Variants in CTNNA2 observed in about 807,000 individuals in gnomAD.
CTNNA2 encodes the protein catenin alpha 2.
Under a neutral mutation model 101.0 loss-of-function variants are expected in CTNNA2, and 42 were observed. The observed-to-expected ratio is 0.42, with a 90% CI of 0.32 to 0.54. The LOEUF is 0.54. CTNNA2 is among the 20% of genes least tolerant of loss of function. The pLI, the probability that CTNNA2 is intolerant of heterozygous loss-of-function variation, is 0.14. For missense variants in CTNNA2, 871 were observed against 1,223.1 expected, an observed-to-expected ratio of 0.71 and a Z score of 4.29; for synonymous variants, 450 against 456.4, an observed-to-expected ratio of 0.99 and a Z score of 0.18.
chr2:80,036,082 C>T (rs1175151276), intron 7 of CTNNA2, among the ~76,000 whole-genome samples: 1 of 152,180 alleles, frequency 6.6e-6, no homozygotes, highest in Non-Finnish European at 1.5e-5. Context: ...ACTGGGGCCC[C>T]TCCTACCCCC....
intron 18 of CTNNA2, among the ~76,000 whole-genome samples, chr2:80,643,792 C>G (rs553688036): frequency 1.2e-4 from 19 of 152,074 alleles, no homozygotes; most frequent in Admixed American, 2.6e-4. Flanking sequence ...TTTCCAGTGT[C>G]TATTTATTTC....
At chr2:80,184,267 G>A (rs1333415967) in intron 7 of CTNNA2, among the ~76,000 whole-genome samples, 1 of 151,984 alleles carries the variant, frequency 6.6e-6, no homozygotes, top group Non-Finnish European at 1.5e-5. Flanking sequence ...ATTAATTTTA[G>A]CATGTCATTG....
intron 3 of CTNNA2, among the ~76,000 whole-genome samples, chr2:79,342,643 C>T (rs1298525941): frequency 1.3e-5 from 2 of 152,148 alleles, no homozygotes; most frequent in Non-Finnish European, 2.9e-5. Context: ...CAGAATGATA[C>T]ACTACTCATA....
chr2:79,803,739 A>G (rs1435565620), intron 3 of CTNNA2, among the ~76,000 whole-genome samples: 1 of 152,222 alleles, frequency 6.6e-6, no homozygotes, highest in Non-Finnish European at 1.5e-5. Context: ...TGCTCCCAGC[A>G]CTTTAAACCA....
intron 3 of CTNNA2, among the ~76,000 whole-genome samples, chr2:79,832,604 C>A (rs1012333895): frequency 1.3e-5 from 2 of 152,170 alleles, no homozygotes; most frequent in Non-Finnish European, 2.9e-5. Context: ...TTGGTTGTCT[C>A]ATGCTTTGTT....
chr2:79,839,714 T>G (rs1447420471), intron 3 of CTNNA2, among the ~76,000 whole-genome samples: 1 of 152,128 alleles, frequency 6.6e-6, no homozygotes, highest in Non-Finnish European at 1.5e-5. Context: ...TCCTTTGAGA[T>G]TTTATTTCTA....
intron 2 of CTNNA2, among the ~76,000 whole-genome samples, chr2:79,674,061 G>GT (rs1170778109): frequency 6.6e-6 from 1 of 151,380 alleles, no homozygotes; most frequent in African/African-American, 2.5e-5. Flanking sequence ...CCAGGTCACT[G>GT]TTTACTGAAT....
At chr2:80,559,878 T>TATATCTA (rs1693393440) in intron 12 of CTNNA2, among the ~76,000 whole-genome samples, 1 of 113,936 alleles carries the variant, frequency 8.8e-6, no homozygotes, top group African/African-American at 3.0e-5. Context: ...GATATCATAT[T>TATATCTA]TATATATATA....
At chr2:79,667,155 A>C (rs894476360) in intron 2 of CTNNA2, among the ~76,000 whole-genome samples, 2 of 152,226 alleles carry the variant, frequency 1.3e-5, no homozygotes, top group Non-Finnish European at 2.9e-5. Context: ...AATTTCTTTT[A>C]AAGATAAACT....
intron 1 of CTNNA2, among the ~76,000 whole-genome samples, chr2:79,517,837 T>A (rs1465448378): frequency 6.6e-6 from 1 of 152,200 alleles, no homozygotes; most frequent in Non-Finnish European, 1.5e-5. Context: ...TTATTTTTCC[T>A]TTTATTAATA....
rs371184996 is a variant in CTNNA2, at chr2:79,645,656, T to C, written c.-5-5896T>C. ...TTTCCAGTGGCATCCCTACCCCAAT[T>C]GGTGTCTTGAAGTTTAGGATGATAC... is the stretch of plus-strand genomic sequence containing the variant. On this transcript the variant is annotated intron_variant, in intron 1 of 18. Transcript: ENST00000402739. Among the ~76,000 whole-genome samples, 14 of 152,268 alleles carry C rather than the reference T, an allele frequency of 9.2e-5. 1 individual carries two copies. The South Asian group carries it at 1.9e-3, about 20-fold the overall frequency.
chr2:79,510,990 A>G (rs1558687290), upstream of CTNNA2, among the ~76,000 whole-genome samples: 1 of 152,206 alleles, frequency 6.6e-6, no homozygotes, highest in Non-Finnish European at 1.5e-5. Context: ...AAAACTATAC[A>G]TGAATCCTTG....
intron 7 of CTNNA2, among the ~76,000 whole-genome samples, chr2:80,358,075 A>G (rs929748841): frequency 3.3e-5 from 5 of 152,082 alleles, no homozygotes; most frequent in African/African-American, 1.2e-4. Context: ...AACTGGGGAA[A>G]CGTCTATAGC....
intron 7 of CTNNA2, among the ~76,000 whole-genome samples, chr2:80,027,403 T>C (rs112995433): frequency 3.3e-5 from 5 of 152,300 alleles, no homozygotes; most frequent in Non-Finnish European, 7.3e-5. Context: ...TTAAAGACTG[T>C]GGTTAGACAG....
chr2:79,500,753 TTTGAG>T (rs1289827826), intron 4 of CTNNA2: 2 of 152,400 alleles, frequency 1.3e-5, no homozygotes, highest in African/African-American at 4.8e-5. Context: ...TGGCAGCATT[TTTGAG>T]TGACTACATC....
intron 7 of CTNNA2, among the ~76,000 whole-genome samples, chr2:80,008,476 G>A (rs963715654): frequency 2.0e-5 from 3 of 152,130 alleles, no homozygotes; most frequent in African/African-American, 7.2e-5. Flanking sequence ...AAGCAGTTCT[G>A]CGATTCTTTT....
intron 2 of CTNNA2, among the ~76,000 whole-genome samples, chr2:79,718,390 T>C (rs1332941768): frequency 6.6e-6 from 1 of 152,188 alleles, no homozygotes; most frequent in East Asian, 1.9e-4. Context: ...TAATTATTGA[T>C]GAAATTGGTT....
chr2:79,648,856 C>A (rs977633751), intron 1 of CTNNA2, among the ~76,000 whole-genome samples: 2 of 152,132 alleles, frequency 1.3e-5, no homozygotes, highest in Non-Finnish European at 2.9e-5. Context: ...GGCTGGAAAA[C>A]AGCATTTCAC....
chr2:79,283,063 G>A lies in CTNNA2; in HGVS notation c.-405-29646G>A, dbSNP rs1382204868. 2.5e-5 allele frequency among the ~76,000 whole-genome samples: 2 copies of A among 80,548 alleles called. 1 individual carries two copies. Among genetic ancestry groups the A allele is most frequent in the East Asian group, 1.1e-3 (2 of 1,890 alleles). The allele number at this position is 80,548 out of a possible 152,430, so 52.8% of individuals were successfully genotyped here. A position where few individuals can be genotyped will look rare whatever the true frequency, so the allele number is the denominator to read the frequency against. ...TGGCTGCATAAATGTCTTCTTTTGA[G>A]AAGTGTCTGTTGATGTCCTTTGCCC... On this transcript the variant is annotated intron_variant, in intron 2 of 21. Coordinates refer to the CTNNA2 transcript ENST00000466387.
Sources: allele counts gnomAD v4.1 joint callset (sites outside exome capture counted in the v4.1 genomes callset), GRCh38; gene constraint gnomAD v4.1.1; transcripts MANE v1.5; gene names NCBI Gene and HGNC (gene_info 2026-07-23, HGNC 2026-07-21).